WWOX: variants seen among roughly 807,000 people sequenced by gnomAD.
The protein encoded by WWOX is WW domain containing oxidoreductase.
In WWOX, 69 loss-of-function variants were observed where a neutral mutation model predicts 46.2. The observed-to-expected ratio is 1.49, with a 90% CI of 1.23 to 1.82. The LOEUF (loss-of-function observed/expected upper bound fraction) is 1.82. Ranked by LOEUF, WWOX falls within the 40% of genes most tolerant of loss-of-function variation. The pLI is 0.00. For synonymous variants in WWOX, 359 were observed against 202.6 expected, an observed-to-expected ratio of 1.77 and a Z score of -6.56; for missense variants, 919 against 542.6, an observed-to-expected ratio of 1.69 and a Z score of -6.89.
chr16:78,322,103 A>C (rs1189224532), intron 5 of WWOX, among the ~76,000 whole-genome samples: 1 of 152,082 alleles, frequency 6.6e-6, no homozygotes, highest in Non-Finnish European at 1.5e-5. Flanking sequence ...ATTTCATCCT[A>C]TATAAACCAG....
intron 8 of WWOX, among the ~76,000 whole-genome samples, chr16:78,916,313 C>T (rs2045250693): frequency 6.6e-6 from 1 of 152,142 alleles, no homozygotes. Context: ...AGAGGGGTTT[C>T]CTTTAGATAA....
intron 4 of WWOX, among the ~76,000 whole-genome samples, chr16:78,137,459 G>C (rs1272800726): frequency 1.3e-5 from 2 of 152,176 alleles, no homozygotes; most frequent in Non-Finnish European, 2.9e-5. Context: ...AAAGCAACTA[G>C]TGTGGTGTCT....
At chr16:79,122,574 C>A (rs1297085127) in intron 8 of WWOX, among the ~76,000 whole-genome samples, 1 of 151,556 alleles carries the variant, frequency 6.6e-6, no homozygotes, top group Non-Finnish European at 1.5e-5. Flanking sequence ...TTCTTTCTTT[C>A]CCTCTCTCTT....
intron 8 of WWOX, among the ~76,000 whole-genome samples, chr16:79,105,080 A>C (rs2049280910): frequency 1.3e-5 from 2 of 152,104 alleles, no homozygotes; most frequent in African/African-American, 4.8e-5. Context: ...GACAGACTGG[A>C]ACCAGCACAG....
At chr16:78,442,567 G>T (rs561120913) in intron 8 of WWOX, among the ~76,000 whole-genome samples, 2 of 152,146 alleles carry the variant, frequency 1.3e-5, no homozygotes, top group Non-Finnish European at 1.5e-5. Flanking sequence ...TCTGCGCCTG[G>T]CTTATTTTAC....
At chr16:78,806,632 T>TCCAAGGGTGAGCGTC (rs1368336834) in intron 8 of WWOX, among the ~76,000 whole-genome samples, 3 of 152,096 alleles carry the variant, frequency 2.0e-5, no homozygotes, top group Non-Finnish European at 4.4e-5. Context: ...GCGGCTGGGT[T>TCCAAGGGTGAGCGTC]CCAAGGGTGA....
At chr16:78,964,911 A>C (rs953355322) in intron 8 of WWOX, among the ~76,000 whole-genome samples, 1 of 152,242 alleles carries the variant, frequency 6.6e-6, no homozygotes, top group Admixed American at 6.5e-5. Flanking sequence ...CAGAGGGTGG[A>C]AGCCCCAAGC....
At position 78,714,357 on chromosome 16, in the gene WWOX, C is replaced by G. The variant is rs112491849; in HGVS notation, c.1056+281605C>G. On this transcript the variant is annotated intron_variant, in intron 8 of 8. Coordinates refer to ENST00000566780, the MANE Select transcript of WWOX (RefSeq NM_016373.4). Reference sequence around the variant, plus strand: ...ATGGTGGCAGGCAAGAGAGCCTTTGCAAGGGAACTGCCCTTTATAAAACCA... The same window carrying G: ...ATGGTGGCAGGCAAGAGAGCCTTTGGAAGGGAACTGCCCTTTATAAAACCA... Among the ~76,000 whole-genome samples the G allele has an allele frequency of 1.5e-3, 234 of 152,142 alleles. 3 individuals carry two copies. The highest frequency in any genetic ancestry group is 0.012 in the East Asian group (62 of 5,156).
intron 6 of WWOX, among the ~76,000 whole-genome samples, chr16:78,412,336 C>G (rs915671272): frequency 1.3e-5 from 2 of 151,910 alleles, no homozygotes; most frequent in African/African-American, 4.8e-5. Context: ...GCATGTTGAC[C>G]CTGAATTTGT....
At chr16:78,533,438 C>T (rs920473505) in intron 8 of WWOX, among the ~76,000 whole-genome samples, 1 of 149,498 alleles carries the variant, frequency 6.7e-6, no homozygotes, top group African/African-American at 2.5e-5. Context: ...CCCAAAAAAT[C>T]TCATAATGTT....
Position 78,379,985 on chromosome 16 carries a change from G to A in WWOX, c.517-6875G>A, listed in dbSNP as rs537760707. On this transcript the variant is annotated intron_variant, in intron 5 of 8. Coordinates refer to ENST00000566780, the MANE Select transcript of WWOX (RefSeq NM_016373.4). ...TCTGGAAAACGCATTCATCTTTAGA[G>A]GCAGTGTTAATGAGTACATGAATTT... Among the ~76,000 whole-genome samples, 3 of 152,334 alleles carry A rather than the reference G, an allele frequency of 2.0e-5. No individual in the cohort carries two copies. In the South Asian group the frequency reaches 6.2e-4, roughly 32 times the overall value.
rs139460648 is a variant in WWOX, at chr16:79,183,879, T to C, written c.1057-27729T>C. 1.2e-4 allele frequency among the ~76,000 whole-genome samples: 18 copies of C among 152,320 alleles called. No individual in the cohort carries two copies. The East Asian group carries it at 3.5e-3, about 29-fold the overall frequency. On this transcript the variant is annotated intron_variant, in intron 8 of 8. Transcript: ENST00000566780. ...CACTAACACTGTCACTCAGTCCTTT[T>C]CTCACTGCTCTGGTCTCTATACTTA...
In WWOX at chr16:78,745,653, C is replaced by G. The variant is rs1252498790; in HGVS notation, c.1056+312901C>G. On this transcript the variant is annotated intron_variant, in intron 8 of 8. Transcript: ENST00000566780. ...GTTCATTGAAACATTAAACATTTTA[C>G]AGCTGTTTTTCAGCACATAAATTTT... Among the ~76,000 whole-genome samples, 3 of 147,340 alleles carry G rather than the reference C, an allele frequency of 2.0e-5. No individual in the cohort carries two copies. The East Asian group carries it at 6.2e-4, about 31-fold the overall frequency.
At chr16:79,044,094 C>T (rs1290878535) in intron 8 of WWOX, among the ~76,000 whole-genome samples, 2 of 152,158 alleles carry the variant, frequency 1.3e-5, no homozygotes. Flanking sequence ...GCGCAGCTCC[C>T]AAAGGGAGAC....
intron 5 of WWOX, among the ~76,000 whole-genome samples, chr16:78,232,880 T>A (rs2151809839): frequency 6.6e-6 from 1 of 152,164 alleles, no homozygotes; most frequent in Non-Finnish European, 1.5e-5. Flanking sequence ...TCTCGCTCTG[T>A]CACCGGGCTG....
At chr16:78,657,798 A>G (rs2047115456) in intron 8 of WWOX, among the ~76,000 whole-genome samples, 1 of 152,018 alleles carries the variant, frequency 6.6e-6, no homozygotes, top group African/African-American at 2.4e-5. Context: ...GTCCTTTTTT[A>G]TTAAAACAGG....
chr16:78,784,492 C>G (rs935916895), intron 8 of WWOX, among the ~76,000 whole-genome samples: 2 of 152,064 alleles, frequency 1.3e-5, no homozygotes, highest in African/African-American at 2.4e-5. Context: ...AGTACAGTCT[C>G]TGGAGCTAGG....
At chr16:78,704,310 G>C (rs1043083724) in intron 8 of WWOX, among the ~76,000 whole-genome samples, 14 of 152,144 alleles carry the variant, frequency 9.2e-5, no homozygotes, top group African/African-American at 3.4e-4. Flanking sequence ...ACTACGTTCT[G>C]GTGAAACTTA....
chr16:79,008,842 C>T (rs947281716), intron 8 of WWOX, among the ~76,000 whole-genome samples: 14 of 152,224 alleles, frequency 9.2e-5, no homozygotes, highest in African/African-American at 3.1e-4. Flanking sequence ...CAGGGGGCCC[C>T]GATCAGGTGG....
Sources: gnomAD v4.1 joint callset for allele counts (sites outside exome capture counted in the v4.1 genomes callset) on GRCh38, gnomAD v4.1.1 for gene constraint, MANE v1.5 for transcripts, NCBI Gene and HGNC (gene_info 2026-07-23, HGNC 2026-07-21) for gene names.